SNTG2: variants seen among roughly 807,000 people sequenced by gnomAD.
The protein encoded by SNTG2 is syntrophin gamma 2.
In SNTG2, 74 loss-of-function variants were observed where a neutral mutation model predicts 70.9. The observed-to-expected ratio is 1.04, with a 90% CI of 0.86 to 1.27. SNTG2 has a LOEUF of 1.27. Ranked by LOEUF, SNTG2 falls within the 50% of genes most tolerant of loss-of-function variation. SNTG2 has a pLI of 0.00. For missense variants in SNTG2, 717 were observed against 690.7 expected (o/e 1.04, Z -0.43); for synonymous variants, 278 against 273.8 (o/e 1.02, Z -0.15).
intron 6 of SNTG2, among the ~76,000 whole-genome samples, chr2:1,149,756 T>C (rs66532720): frequency 0.95 from 131,326 of 138,772 alleles, 62,311 homozygotes; most frequent in Non-Finnish European, 0.98. Flanking sequence ...GGTGCAATCT[T>C]GGCTCACTGC....
At chr2:962,436 C>T (rs1346677797) in intron 1 of SNTG2, among the ~76,000 whole-genome samples, 1 of 152,214 alleles carries the variant, frequency 6.6e-6, no homozygotes, top group Non-Finnish European at 1.5e-5. Flanking sequence ...GGATCTGGAT[C>T]TGCCTTGCAC....
At chr2:1,241,471 TTTTTA>T (rs1373905926) in intron 11 of SNTG2, among the ~76,000 whole-genome samples, 2 of 124,410 alleles carry the variant, frequency 1.6e-5, no homozygotes, top group Non-Finnish European at 3.8e-5. Context: ...TTTTCTTTTT[TTTTTA>T]TTATTATTAT....
chr2:1,157,281 C>T (rs929128960), intron 6 of SNTG2, among the ~76,000 whole-genome samples: 1 of 152,212 alleles, frequency 6.6e-6, no homozygotes, highest in Non-Finnish European at 1.5e-5. Context: ...TGCCCTGGCT[C>T]TACCCCTGAC....
Position 1,209,178 on chromosome 2 carries a change from C to T in SNTG2, c.667C>T (p.Pro223Ser). 3 of 1,613,926 alleles carry T rather than the reference C, an allele frequency of 1.9e-6. No individual in the cohort carries two copies. The highest frequency in any genetic ancestry group is 2.5e-6 in the Non-Finnish European group (3 of 1,179,892). The change falls in exon 9 of 17, where the codon CCT (proline) becomes TCT (serine). Residue 223 changes from proline to serine, a missense_variant. Physicochemically the swap from Pro to Ser is moderately conservative, Grantham distance 74. Coordinates refer to ENST00000308624, the MANE Select transcript of SNTG2 (RefSeq NM_018968.4). ...GCGCTGGCTGGACACCTTGTCCGTGCCTCTGTCCATGGCTCGCATCTCAAG... is the reference window on the plus strand; with the variant it reads ...GCGCTGGCTGGACACCTTGTCCGTGTCTCTGTCCATGGCTCGCATCTCAAG... ...EKRWLDTLSV[P>S]LSMARISRYK...
At chr2:1,077,710 T>C (rs893539464) in intron 1 of SNTG2, among the ~76,000 whole-genome samples, 5 of 152,226 alleles carry the variant, frequency 3.3e-5, no homozygotes, top group Non-Finnish European at 7.3e-5. Context: ...CACACTGATA[T>C]TTCCTCACAG....
chr2:1,284,338 T>A (rs1431704336), intron 14 of SNTG2, among the ~76,000 whole-genome samples: 1 of 152,216 alleles, frequency 6.6e-6, no homozygotes, highest in Non-Finnish European at 1.5e-5. Context: ...CTGTTCAGAT[T>A]CTGGCGGGTG....
chr2:1,075,051 C>T (rs536735610), intron 1 of SNTG2, among the ~76,000 whole-genome samples: 1 of 152,156 alleles, frequency 6.6e-6, no homozygotes, highest in East Asian at 1.9e-4. Flanking sequence ...CAGAATGGAC[C>T]ATAGAGATCC....
Position 1,239,764 on chromosome 2 carries a change from T to A in SNTG2, c.876T>A (p.Ser292=). The A allele has an allele frequency of 6.2e-7, 1 of 1,613,524 alleles. No individual in the cohort carries two copies. Among genetic ancestry groups the A allele is most frequent in the Non-Finnish European group, 8.5e-7 (1 of 1,179,790 alleles). Residue 292 remains serine, a synonymous_variant, in exon 11 of 17, where the codon TCT becomes TCA. Coordinates refer to ENST00000308624, the MANE Select transcript of SNTG2 (RefSeq NM_018968.4). The stretch of plus-strand genomic sequence containing the variant: ...TGAAGATGGCGAACAAATGCTGCTC[T>A]CCTTCCGACCAGGTAGGGTTTGTAT... The part of the protein sequence containing the change: ...QNMKMANKCC[S]PSDQVVHMGW...
At chr2:1,311,080 G>A (rs1680966453) in intron 15 of SNTG2, among the ~76,000 whole-genome samples, 2 of 152,198 alleles carry the variant, frequency 1.3e-5, no homozygotes, top group Non-Finnish European at 2.9e-5. Context: ...ATCTGGGCCA[G>A]CTCCAGCCCT....
chr2:1,031,508 T>TTATATATATATATATATATATATA (rs1316440220), intron 1 of SNTG2, among the ~76,000 whole-genome samples: 2 of 57,768 alleles, frequency 3.5e-5, no homozygotes, highest in African/African-American at 1.8e-4. Flanking sequence ...TAGTTCATTG[T>TTATATATATATATATATATATATA]TATATATATA....
At chr2:1,003,671 T>C (rs2147990098) in intron 1 of SNTG2, among the ~76,000 whole-genome samples, 1 of 152,288 alleles carries the variant, frequency 6.6e-6, no homozygotes, top group East Asian at 1.9e-4. Flanking sequence ...TGAGAACCTG[T>C]TCCAGTGATG....
intron 8 of SNTG2, among the ~76,000 whole-genome samples, chr2:1,186,624 G>A (rs1225399026): frequency 1.3e-5 from 2 of 152,134 alleles, no homozygotes; most frequent in Non-Finnish European, 2.9e-5. Context: ...CGTAGCTAGA[G>A]TGGGAGGAAG....
intron 7 of SNTG2, among the ~76,000 whole-genome samples, chr2:1,165,981 C>T (rs778188877): frequency 3.3e-5 from 5 of 152,230 alleles, no homozygotes; most frequent in Non-Finnish European, 7.4e-5. Context: ...CTATGTTGAT[C>T]TGAGAAATTT....
At chr2:1,162,071 CA>C (rs58579024) in intron 6 of SNTG2, among the ~76,000 whole-genome samples, 39 of 89,770 alleles carry the variant, frequency 4.3e-4, no homozygotes, top group African/African-American at 1.4e-3. Context: ...GACTCCGTCT[CA>C]AAAAAAAAAA....
chr2:1,042,229 A>G (rs1275966821), intron 1 of SNTG2, among the ~76,000 whole-genome samples: 1 of 152,088 alleles, frequency 6.6e-6, no homozygotes, highest in African/African-American at 2.4e-5. Context: ...CTTTTTTGTC[A>G]AGTTTCAAAC....
chr2:1,276,588 T>G (rs1225770348), intron 14 of SNTG2, among the ~76,000 whole-genome samples: 1 of 152,220 alleles, frequency 6.6e-6, no homozygotes, highest in Non-Finnish European at 1.5e-5. Context: ...GACAATGCAA[T>G]TGGTCACTCA....
chr2:1,164,551 G>C (rs1351635823), intron 6 of SNTG2, among the ~76,000 whole-genome samples: 3 of 127,674 alleles, frequency 2.3e-5, no homozygotes, highest in Middle Eastern at 4.9e-3. Context: ...TCTGTGTAGA[G>C]GAGAGGGCGA....
At chr2:1,183,661 A>G (rs1369556863) in intron 8 of SNTG2, among the ~76,000 whole-genome samples, 1 of 152,214 alleles carries the variant, frequency 6.6e-6, no homozygotes, top group Admixed American at 6.5e-5. Context: ...TTTATTATAT[A>G]TATGTGTGTG....
chr2:1,079,719 C>T (rs1664157576), intron 1 of SNTG2, among the ~76,000 whole-genome samples: 1 of 152,104 alleles, frequency 6.6e-6, no homozygotes. Context: ...TCCTAGATCC[C>T]TGGGTTGCAG....
Sources: gnomAD v4.1 joint callset for allele counts (sites outside exome capture counted in the v4.1 genomes callset) on GRCh38, gnomAD v4.1.1 for gene constraint, MANE v1.5 for transcripts, NCBI Gene and HGNC (gene_info 2026-07-23, HGNC 2026-07-21) for gene names.